ABHD17C: variants seen among roughly 807,000 people sequenced by gnomAD.
The protein encoded by ABHD17C is abhydrolase domain containing 17C, depalmitoylase, also known as alpha/beta hydrolase domain-containing protein 17C.
Under a neutral mutation model 27.9 loss-of-function variants are expected in ABHD17C, and 11 were observed. The observed-to-expected ratio is 0.39, with a 90% confidence interval of 0.25 to 0.65. The LOEUF is 0.65. Ranked by LOEUF, ABHD17C falls within the 30% of genes least tolerant of loss-of-function variation. The pLI, the probability that ABHD17C is intolerant of heterozygous loss-of-function variation, is 0.45. For synonymous variants in ABHD17C, 233 were observed against 209.1 expected, an observed-to-expected ratio of 1.11 and a Z score of -0.98; for missense variants, 280 against 470.2, an observed-to-expected ratio of 0.60 and a Z score of 3.74.
chr15:80,754,241 G>A lies in ABHD17C; in HGVS notation c.861G>A (p.Met287Ile). 3.1e-6 allele frequency: 5 copies of A among 1,613,950 alleles called. No homozygotes were observed. The highest frequency in any genetic ancestry group is 4.2e-6 in the Non-Finnish European group (5 of 1,179,878). The stretch of plus-strand genomic sequence containing the variant: ...TCGATTTCTCCCATGGCCTAGCGAT[G>A]TACGAGCGCTGTCCCCGAGCCGTGG... ...EVIDFSHGLA[M>I]YERCPRAVEP... is the part of the protein sequence containing the mutation. The change falls in exon 3 of 3, where the codon ATG becomes ATA. Residue 287 changes from methionine to isoleucine, a missense_variant. Around this residue, in one of 2 missense-constraint regions of ABHD17C, gnomAD observed 206 missense variants for 394.7 expected, o/e 0.52. Transcript: ENST00000258884.
chr15:80,700,978 T>C (rs576631295), intron 1 of ABHD17C, among the ~76,000 whole-genome samples: 227 of 152,342 alleles, frequency 1.5e-3, no homozygotes, highest in African/African-American at 5.0e-3. Context: ...GACCGTGTAC[T>C]ACGTACTCTT....
intron 1 of ABHD17C, among the ~76,000 whole-genome samples, chr15:80,746,076 T>C (rs1026125438): frequency 2.6e-5 from 4 of 152,258 alleles, no homozygotes; most frequent in African/African-American, 9.6e-5. Flanking sequence ...ATGAGCATTC[T>C]TGTACACATC....
intron 1 of ABHD17C, among the ~76,000 whole-genome samples, chr15:80,732,338 G>A (rs910741237): frequency 9.2e-5 from 14 of 152,286 alleles, no homozygotes; most frequent in Middle Eastern, 6.8e-3. Flanking sequence ...TGAGCTCACC[G>A]TGCTTCTCCA....
At chr15:80,697,983 A>G (rs1328836970) in intron 1 of ABHD17C, among the ~76,000 whole-genome samples, 1 of 152,102 alleles carries the variant, frequency 6.6e-6, no homozygotes, top group Non-Finnish European at 1.5e-5. Context: ...CTGTATCCAC[A>G]TACCTGAAGC....
At chr15:80,745,059 G>A (rs956038605) in intron 1 of ABHD17C, among the ~76,000 whole-genome samples, 1 of 152,012 alleles carries the variant, frequency 6.6e-6, no homozygotes, top group Admixed American at 6.5e-5. Context: ...GAATTTTTTT[G>A]TCATGAAATA....
chr15:80,700,966 C>T (rs1894563429), intron 1 of ABHD17C, among the ~76,000 whole-genome samples: 1 of 152,184 alleles, frequency 6.6e-6, no homozygotes, highest in Admixed American at 6.5e-5. Flanking sequence ...CTGCTTGTGC[C>T]AGACCGTGTA....
intron 1 of ABHD17C, among the ~76,000 whole-genome samples, chr15:80,717,649 G>A (rs564473040): frequency 7.9e-5 from 12 of 152,286 alleles, no homozygotes; most frequent in Admixed American, 6.5e-4. Flanking sequence ...GCCTCCCAAA[G>A]TGCTGGGATT....
At chr15:80,726,507 T>G (rs1894979034) in intron 1 of ABHD17C, among the ~76,000 whole-genome samples, 2 of 135,566 alleles carry the variant, frequency 1.5e-5, no homozygotes, top group African/African-American at 5.8e-5. Context: ...TCTGGTTTTT[T>G]TTTTTTTTTT....
At chr15:80,714,001 TG>T (rs1161475440) in intron 1 of ABHD17C, among the ~76,000 whole-genome samples, 41 of 152,158 alleles carry the variant, frequency 2.7e-4, no homozygotes, top group Middle Eastern at 3.4e-3. Context: ...TCACCCAGGC[TG>T]GAGTGCAGTG....
intron 1 of ABHD17C, among the ~76,000 whole-genome samples, chr15:80,739,751 T>A (rs187681802): frequency 1.1e-3 from 166 of 152,322 alleles, no homozygotes; most frequent in Middle Eastern, 0.01. Context: ...CTGTTCTTTA[T>A]AAATTACTCA....
chr15:80,699,046 C>T (rs184859038), intron 1 of ABHD17C, among the ~76,000 whole-genome samples: 16 of 152,310 alleles, frequency 1.1e-4, no homozygotes, highest in African/African-American at 3.8e-4. Flanking sequence ...TTGTATCTGC[C>T]CTTCTCCTGT....
rs538556905 is a variant in ABHD17C at position 80,733,496 on chromosome 15, A to C, written c.591-16017A>C. The stretch of plus-strand genomic sequence containing the variant: ...CTGGCCAGGAGGATTCAATACTCTT[A>C]TTGCCCAGACCTGGACATGTATTCA... On this transcript the variant is annotated intron_variant, in intron 1 of 2. Coordinates refer to ENST00000258884, the MANE Select transcript of ABHD17C (RefSeq NM_021214.2). Among the ~76,000 whole-genome samples, 3 of 152,274 alleles carry C rather than the reference A, an allele frequency of 2.0e-5. No homozygotes were observed. In the East Asian group the frequency reaches 5.8e-4, roughly 29 times the overall value.
intron 1 of ABHD17C, among the ~76,000 whole-genome samples, chr15:80,724,759 C>G (rs1894949653): frequency 6.6e-6 from 1 of 152,130 alleles, no homozygotes; most frequent in African/African-American, 2.4e-5. Flanking sequence ...TCTCCCCCTC[C>G]TCCTCCTTCT....
chr15:80,700,715 T>C (rs1471831420), intron 1 of ABHD17C, among the ~76,000 whole-genome samples: 1 of 151,830 alleles, frequency 6.6e-6, no homozygotes, highest in East Asian at 1.9e-4. Flanking sequence ...CTGGGCAACA[T>C]AGTTGGGACC....
intron 1 of ABHD17C, among the ~76,000 whole-genome samples, chr15:80,744,771 A>G (rs890009908): frequency 1.3e-5 from 2 of 152,258 alleles, no homozygotes; most frequent in Admixed American, 1.3e-4. Flanking sequence ...CCTGAAGACA[A>G]CAGTTATTAC....
chr15:80,740,236 C>T (rs980924436), intron 1 of ABHD17C, among the ~76,000 whole-genome samples: 1 of 152,072 alleles, frequency 6.6e-6, no homozygotes, highest in African/African-American at 2.4e-5. Context: ...CTGTTGCTAC[C>T]ATGTTAGTAT....
At chr15:80,721,301 C>G (rs901477841) in intron 1 of ABHD17C, among the ~76,000 whole-genome samples, 1 of 150,918 alleles carries the variant, frequency 6.6e-6, no homozygotes, top group Non-Finnish European at 1.5e-5. Context: ...CAAGAGTATA[C>G]TTATTTTTTT....
At chr15:80,728,620 C>A (rs1895015539) in intron 1 of ABHD17C, among the ~76,000 whole-genome samples, 1 of 152,208 alleles carries the variant, frequency 6.6e-6, no homozygotes, top group Non-Finnish European at 1.5e-5. Flanking sequence ...GGCTCAGAGT[C>A]CTTGACCTCA....
intron 1 of ABHD17C, among the ~76,000 whole-genome samples, chr15:80,748,673 A>G (rs534033234): frequency 2.1e-5 from 3 of 145,774 alleles, no homozygotes; most frequent in South Asian, 4.6e-4. Context: ...GGTTCCTTCT[A>G]TTTTGTTCCA....
Sources: gnomAD v4.1 joint callset for allele counts (sites outside exome capture counted in the v4.1 genomes callset) on GRCh38, gnomAD v4.1.1 for gene constraint, gnomAD v4.1.1 regional missense constraint, MANE v1.5 for transcripts, NCBI Gene and HGNC (gene_info 2026-07-23, HGNC 2026-07-21) for gene names.